Variants in TBC1D22B observed in about 807,000 individuals in gnomAD.
TBC1D22B encodes chromosome 6 open reading frame 197.
A neutral mutation model predicts 69.1 loss-of-function variants in TBC1D22B; 32 were observed. That is an observed-to-expected ratio of 0.46 (90% confidence interval 0.35 to 0.62). The LOEUF is 0.62. TBC1D22B is among the 20% of genes least tolerant of loss of function. The probability of loss-of-function intolerance (pLI) is 0.00; values close to 1 mark genes in which losing one functional copy is unlikely to be tolerated. For synonymous variants in TBC1D22B, 206 were observed against 229.8 expected (o/e 0.90, Z 0.94); for missense variants, 462 against 630.9 (o/e 0.73, Z 2.87).
At position 37,287,012 on chromosome 6, in the gene TBC1D22B, C is replaced by T. The variant is rs371611554; in HGVS notation, c.807C>T (p.His269=). ...ACATGCCTTCTCTTTTTCAGATTCA[C>T]ATTGACATTCCAAGGACGAATCCTC... ...EHHQDTYRQI[H]IDIPRTNPLI... The change falls in exon 7 of 13, where the codon CAC becomes CAT. Residue 269 remains histidine, a synonymous_variant. Transcript: ENST00000373491. 4 of 1,598,404 alleles carry T rather than the reference C, an allele frequency of 2.5e-6. No individual in the cohort carries two copies. Among genetic ancestry groups the T allele is most frequent in the East Asian group, 2.3e-5 (1 of 44,122 alleles).
At position 37,278,097 on chromosome 6, in the gene TBC1D22B, A is replaced by C. The variant is rs370976864; in HGVS notation, c.114-1207A>C. 3.2e-4 allele frequency among the ~76,000 whole-genome samples: 48 copies of C among 152,180 alleles called. No individual in the cohort carries two copies. The East Asian group carries it at 6.6e-3, about 21-fold the overall frequency. ...CAAGATTTCTCTACTGCACTCCATC[A>C]CTCCACCCTGGGTGACAGAGCAAGG... On this transcript the variant is annotated intron_variant, in intron 2 of 12. Coordinates refer to ENST00000373491, the MANE Select transcript of TBC1D22B (RefSeq NM_017772.4).
At chr6:37,319,485 C>G (rs1768176518) in intron 12 of TBC1D22B, among the ~76,000 whole-genome samples, 1 of 152,188 alleles carries the variant, frequency 6.6e-6, no homozygotes, top group Non-Finnish European at 1.5e-5. Flanking sequence ...ATCGGCAGAA[C>G]AGAGGACAAT....
chr6:37,316,117 C>T (rs1404724755), intron 10 of TBC1D22B, among the ~76,000 whole-genome samples: 1 of 152,234 alleles, frequency 6.6e-6, no homozygotes, highest in Non-Finnish European at 1.5e-5. Context: ...TTGGGCTTGC[C>T]TGAGAATATC....
chr6:37,308,318 G>T (rs1767799857), intron 8 of TBC1D22B, among the ~76,000 whole-genome samples: 1 of 152,162 alleles, frequency 6.6e-6, no homozygotes, highest in South Asian at 2.1e-4. Context: ...GACGCTTAAT[G>T]ATCCTTCTGA....
intron 12 of TBC1D22B, among the ~76,000 whole-genome samples, chr6:37,320,360 G>A (rs1768203822): frequency 6.6e-6 from 1 of 152,124 alleles, no homozygotes; most frequent in Admixed American, 6.5e-5. Context: ...ATCTATAAAT[G>A]GGGCAATAGT....
chr6:37,291,170 AGTAG>A (rs1767166496), intron 7 of TBC1D22B, 69 bp from the exon 8 acceptor site: 2 of 1,043,242 alleles, frequency 1.9e-6, no homozygotes, highest in Admixed American at 3.8e-5. Flanking sequence ...TAAATTGTGA[AGTAG>A]GTAAACGGAG....
At chr6:37,328,596 A>G (rs536085733) in intron 12 of TBC1D22B, among the ~76,000 whole-genome samples, 106 of 152,358 alleles carry the variant, frequency 7.0e-4, no homozygotes, top group Non-Finnish European at 1.3e-3. Context: ...CATAGATTCA[A>G]AATTATGTAG....
chr6:37,284,438 G>A lies in TBC1D22B; in HGVS notation c.775G>A (p.Glu259Lys), dbSNP rs948807682. ...IEQYYDSRNE[E>K]HHQDTYRQIH... ...ACAGTATTATGACTCTCGAAACGAG[G>A]AACATCACCAGGATACCTACAGACA... Residue 259 changes from glutamate to lysine, a missense_variant, in exon 6 of 13, where the codon GAA (glutamate) becomes AAA (lysine). Glu to Lys is a moderately conservative substitution (Grantham distance 56, BLOSUM62 1). Transcript: ENST00000373491. The A allele has an allele frequency of 6.3e-7, 1 of 1,596,862 alleles. No individual in the cohort carries two copies. The highest frequency in any genetic ancestry group is 1.3e-5 in the African/African-American group (1 of 74,118).
intron 2 of TBC1D22B, among the ~76,000 whole-genome samples, chr6:37,270,544 ACT>A (rs759364305): frequency 6.6e-6 from 1 of 151,834 alleles, no homozygotes; most frequent in African/African-American, 2.4e-5. Context: ...CACAACAGAG[ACT>A]CTAGTTAAAT....
intron 1 of TBC1D22B, among the ~76,000 whole-genome samples, chr6:37,266,155 CT>C (rs1766264015): frequency 6.6e-6 from 1 of 152,148 alleles, no homozygotes; most frequent in Non-Finnish European, 1.5e-5. Flanking sequence ...CTCAAGATCG[CT>C]TATTTCTTAT....
chr6:37,310,227 C>G (rs926595472), intron 8 of TBC1D22B, among the ~76,000 whole-genome samples: 1 of 142,856 alleles, frequency 7.0e-6, no homozygotes, highest in African/African-American at 2.6e-5. Context: ...TATATACTTA[C>G]ATATATAAAA....
chr6:37,312,852 G>A (rs1180493848), intron 8 of TBC1D22B, 66 bp from the exon 9 acceptor site: 5 of 1,373,806 alleles, frequency 3.6e-6, no homozygotes, highest in East Asian at 2.3e-5. Context: ...GAAGACACTC[G>A]AATCTATCTT....
intron 8 of TBC1D22B, among the ~76,000 whole-genome samples, chr6:37,303,390 T>C (rs1401361867): frequency 1.3e-5 from 2 of 152,182 alleles, no homozygotes; most frequent in African/African-American, 4.8e-5. Flanking sequence ...CTCTTCCATA[T>C]CCAATCATTT....
At chr6:37,294,448 A>G (rs1359622848) in intron 8 of TBC1D22B, among the ~76,000 whole-genome samples, 1 of 152,108 alleles carries the variant, frequency 6.6e-6, no homozygotes, top group East Asian at 1.9e-4. Context: ...TTGGGATTAC[A>G]AGTACGTAGT....
intron 10 of TBC1D22B, among the ~76,000 whole-genome samples, chr6:37,315,454 G>A (rs918741881): frequency 6.6e-6 from 1 of 151,904 alleles, no homozygotes; most frequent in Non-Finnish European, 1.5e-5. Flanking sequence ...CTACTCAGGA[G>A]GTTGAGATGG....
intron 8 of TBC1D22B, among the ~76,000 whole-genome samples, chr6:37,305,556 C>A (rs1467812307): frequency 6.8e-6 from 1 of 148,144 alleles, no homozygotes; most frequent in Admixed American, 6.8e-5. Context: ...GTTGCTCTGT[C>A]CCCCAGGCTG....
At chr6:37,323,632 A>G (rs181892694) in intron 12 of TBC1D22B, among the ~76,000 whole-genome samples, 199 of 152,328 alleles carry the variant, frequency 1.3e-3, no homozygotes, top group African/African-American at 4.5e-3. Flanking sequence ...AGCCCATGGG[A>G]TGTTCCAGAC....
At position 37,282,914 on chromosome 6, in the gene TBC1D22B, C is replaced by T; in HGVS notation, c.634C>T (p.Pro212Ser). Residue 212 changes from proline to serine, a missense_variant, in exon 5 of 13, where the codon CCC (proline) becomes TCC (serine). This residue lies in a region of TBC1D22B where 225 missense variants were observed against 375.4 expected (regional missense o/e 0.60). Coordinates refer to ENST00000373491, the MANE Select transcript of TBC1D22B (RefSeq NM_017772.4). ...GAGGAAGTGTAGCTGGCCAGGGGTTCCCAGGGAGGTTCGACCTATAACCTG... is the reference window on the plus strand; with the variant it reads ...GAGGAAGTGTAGCTGGCCAGGGGTTTCCAGGGAGGTTCGACCTATAACCTG... ...ELRKCSWPGVPREVRPITWRL... is the reference protein window; with the variant it reads ...ELRKCSWPGVSREVRPITWRL... The T allele has an allele frequency of 6.2e-7, 1 of 1,613,986 alleles. No individual in the cohort carries two copies. The highest frequency in any genetic ancestry group is 8.5e-7 in the Non-Finnish European group (1 of 1,179,908).
rs1286930625 is a variant in TBC1D22B at position 37,322,667 on chromosome 6, C to G, written c.1389+5461C>G. On this transcript the variant is annotated intron_variant, in intron 12 of 12. Coordinates refer to ENST00000373491, the MANE Select transcript of TBC1D22B (RefSeq NM_017772.4). ...AACACCCATTGGCAGAATATGCCAT[C>G]AAGGCAGGTTGCAGTTGTCAGACTT... Among the ~76,000 whole-genome samples the G allele has an allele frequency of 4.6e-5, 7 of 152,198 alleles. No homozygotes were observed. The South Asian group carries it at 1.4e-3, about 32-fold the overall frequency.
Sources: allele counts gnomAD v4.1 joint callset (sites outside exome capture counted in the v4.1 genomes callset), GRCh38; gene constraint gnomAD v4.1.1; regional missense constraint gnomAD v4.1.1; transcripts MANE v1.5; gene names NCBI Gene and HGNC (gene_info 2026-07-23, HGNC 2026-07-21).